The following MACROD2 variants were observed in gnomAD, a reference collection of about 807,000 sequenced individuals.
MACROD2 encodes the protein mono-ADP ribosylhydrolase 2.
MACROD2 carries 36 observed loss-of-function variants against 70.4 expected under a neutral mutation model. The observed-to-expected ratio is 0.51, with a 90% confidence interval of 0.39 to 0.68. The LOEUF is 0.68. Among genes scored for constraint, MACROD2 ranks in the 30% least tolerant of loss-of-function variants. The probability of loss-of-function intolerance (pLI) is 0.00; values close to 1 mark genes in which losing one functional copy is unlikely to be tolerated. For synonymous variants in MACROD2, 172 were observed against 178.8 expected, an observed-to-expected ratio of 0.96 and a Z score of 0.30; for missense variants, 496 against 538.4, an observed-to-expected ratio of 0.92 and a Z score of 0.78.
chr20:14,839,094 G>C (rs990477803), intron 5 of MACROD2, among the ~76,000 whole-genome samples: 1 of 152,030 alleles, frequency 6.6e-6, no homozygotes, highest in Non-Finnish European at 1.5e-5. Flanking sequence ...AGCAGCGTAG[G>C]GGTCGTTTGG....
At chr20:14,258,561 A>AT (rs1348795634) in intron 3 of MACROD2, among the ~76,000 whole-genome samples, 4 of 151,260 alleles carry the variant, frequency 2.6e-5, no homozygotes, top group Admixed American at 2.6e-4. Context: ...TTTTGATGGG[A>AT]TTTTTTTTCT....
intron 3 of MACROD2, among the ~76,000 whole-genome samples, chr20:14,092,639 C>A (rs901782084): frequency 6.6e-6 from 1 of 152,160 alleles, no homozygotes; most frequent in Non-Finnish European, 1.5e-5. Context: ...CTGCTGACAT[C>A]AGCTTGATTG....
intron 3 of MACROD2, among the ~76,000 whole-genome samples, chr20:14,353,938 A>G (rs952052395): frequency 6.6e-6 from 1 of 152,166 alleles, no homozygotes. Context: ...TGAAAAAAAT[A>G]TACCTTTAGG....
chr20:14,549,667 A>G (rs571472500), intron 4 of MACROD2, among the ~76,000 whole-genome samples: 2 of 152,170 alleles, frequency 1.3e-5, no homozygotes, highest in South Asian at 2.1e-4. Context: ...TAAGAAGGTA[A>G]GATTTAGTCA....
intron 5 of MACROD2, among the ~76,000 whole-genome samples, chr20:14,787,639 A>G (rs1400495349): frequency 3.2e-4 from 48 of 152,244 alleles, no homozygotes; most frequent in Non-Finnish European, 2.9e-5. Flanking sequence ...TACAGTAGAC[A>G]TAACACCACA....
At chr20:14,745,917 C>T (rs1182828830) in intron 5 of MACROD2, among the ~76,000 whole-genome samples, 1 of 152,120 alleles carries the variant, frequency 6.6e-6, no homozygotes, top group Non-Finnish European at 1.5e-5. Context: ...AATATGGATG[C>T]AGTCCCTCCT....
chr20:15,215,015 T>C lies in MACROD2; in HGVS notation c.419-14925T>C, dbSNP rs563831693. 3.9e-5 allele frequency among the ~76,000 whole-genome samples: 6 copies of C among 152,304 alleles called. No individual in the cohort carries two copies. The East Asian group carries it at 1.2e-3, about 29-fold the overall frequency. ...GTCCAAGCAGTTTAAATAGTACTTG[T>C]AATTAATGCATAATAATTAGGTATC... is the stretch of plus-strand genomic sequence containing the variant. On this transcript the variant is annotated intron_variant, in intron 5 of 17. Coordinates refer to ENST00000684519, the MANE Select transcript of MACROD2 (RefSeq NM_001351661.2).
chr20:14,014,905 A>G (rs940572238), intron 2 of MACROD2, among the ~76,000 whole-genome samples: 1 of 151,564 alleles, frequency 6.6e-6, no homozygotes, highest in East Asian at 1.9e-4. Flanking sequence ...GGCTCAATCA[A>G]TTCTCCTACC....
intron 8 of MACROD2, among the ~76,000 whole-genome samples, chr20:15,838,414 T>C (rs1413327909): frequency 6.6e-6 from 1 of 152,178 alleles, no homozygotes; most frequent in East Asian, 1.9e-4. Context: ...TTACCAGATG[T>C]GATGCAAAAA....
chr20:14,964,580 T>TA (rs1049305866), intron 5 of MACROD2, among the ~76,000 whole-genome samples: 11 of 147,058 alleles, frequency 7.5e-5, no homozygotes, highest in Admixed American at 2.7e-4. Flanking sequence ...CTCAAAAAAA[T>TA]AAAAAAAATA....
chr20:14,263,081 T>C (rs2082113607), intron 3 of MACROD2, among the ~76,000 whole-genome samples: 1 of 152,114 alleles, frequency 6.6e-6, no homozygotes, highest in South Asian at 2.1e-4. Context: ...CTGGAGAATA[T>C]ATCAAGGAAC....
intron 4 of MACROD2, among the ~76,000 whole-genome samples, chr20:14,519,105 TA>T (rs1408118484): frequency 6.6e-6 from 1 of 152,166 alleles, no homozygotes; most frequent in Non-Finnish European, 1.5e-5. Flanking sequence ...ACTAAAGTAC[TA>T]AGTTAAACAA....
chr20:14,095,291 C>T (rs2054207310), intron 3 of MACROD2, among the ~76,000 whole-genome samples: 1 of 151,842 alleles, frequency 6.6e-6, no homozygotes. Context: ...TTGAAGATCC[C>T]CAAGATCTTC....
chr20:15,872,326 A>G (rs2064597856), intron 9 of MACROD2, among the ~76,000 whole-genome samples: 1 of 152,214 alleles, frequency 6.6e-6, no homozygotes, highest in South Asian at 2.1e-4. Context: ...CTATGTCCGA[A>G]TAATGATTGG....
At chr20:14,780,197 A>G (rs1210927420) in intron 5 of MACROD2, among the ~76,000 whole-genome samples, 1 of 152,114 alleles carries the variant, frequency 6.6e-6, no homozygotes, top group Non-Finnish European at 1.5e-5. Flanking sequence ...TTGTTTCAAA[A>G]AAGCAAAAAC....
chr20:14,718,435 A>T (rs1004837464), intron 5 of MACROD2, among the ~76,000 whole-genome samples: 1 of 151,984 alleles, frequency 6.6e-6, no homozygotes, highest in African/African-American at 2.4e-5. Context: ...AAGAGAAGCT[A>T]GTCAACAGGT....
At chr20:14,281,705 G>A (rs1355117075) in intron 3 of MACROD2, among the ~76,000 whole-genome samples, 1 of 152,044 alleles carries the variant, frequency 6.6e-6, no homozygotes, top group Non-Finnish European at 1.5e-5. Context: ...GGGAGGACAA[G>A]GCGGGCGGAT....
At chr20:14,572,441 A>G (rs909303348) in intron 4 of MACROD2, among the ~76,000 whole-genome samples, 1 of 152,168 alleles carries the variant, frequency 6.6e-6, no homozygotes, top group African/African-American at 2.4e-5. Flanking sequence ...TGTATACTCA[A>G]GAAAAATATG....
intron 5 of MACROD2, among the ~76,000 whole-genome samples, chr20:15,187,937 T>C (rs989074486): frequency 2.0e-5 from 3 of 152,182 alleles, no homozygotes; most frequent in Non-Finnish European, 4.4e-5. Flanking sequence ...TCTTCTGGTA[T>C]TAAGGATACT....
Sources: gnomAD v4.1 joint callset for allele counts (sites outside exome capture counted in the v4.1 genomes callset) on GRCh38, gnomAD v4.1.1 for gene constraint, MANE v1.5 for transcripts, NCBI Gene and HGNC (gene_info 2026-07-23, HGNC 2026-07-21) for gene names.